Variants in PCLO observed in about 807,000 individuals in gnomAD.
PCLO encodes the protein protein piccolo.
Under a neutral mutation model 427.5 loss-of-function variants are expected in PCLO, and 82 were observed. That is an observed-to-expected ratio of 0.19 (90% CI 0.16 to 0.23). PCLO has a LOEUF of 0.23. PCLO is among the 10% of genes least tolerant of loss of function. The pLI is 1.00. For missense variants in PCLO, 6,239 were observed against 6,115.9 expected (o/e 1.02, Z -0.67); for synonymous variants, 2,357 against 2,155.4 (o/e 1.09, Z -2.59).
intron 3 of PCLO, among the ~76,000 whole-genome samples, chr7:83,017,272 T>C (rs1305138361): frequency 6.6e-6 from 1 of 152,098 alleles, no homozygotes; most frequent in African/African-American, 2.4e-5. Context: ...AAATTCATAA[T>C]GCAGTCATAG....
chr7:82,847,578 CA>C (rs1792537459), intron 10 of PCLO, among the ~76,000 whole-genome samples: 1 of 151,986 alleles, frequency 6.6e-6, no homozygotes. Context: ...GTATAGGAAA[CA>C]AACAAACAAA....
Position 83,162,511 on chromosome 7 carries a change from C to T in PCLO, c.82G>A (p.Gly28Arg). 6.4e-7 allele frequency: 1 copy of T among 1,562,526 alleles called. No individual in the cohort carries two copies. The change falls in exon 1 of 25, where the codon GGG (glycine) becomes AGG (arginine). Residue 28 changes from glycine (G) to arginine (R), a missense_variant. By Grantham distance (125) the Gly-to-Arg change is moderately radical. Transcript: ENST00000333891. ...GCGGTGTGAGAGGGGCTCCCCGCCC[C>T]GCTAGCTCCTCCTCCAGCCGCTGCG... ...AAAAAGGGAS[G>R]AGSPSHTAIP...
intron 3 of PCLO, among the ~76,000 whole-genome samples, chr7:83,032,372 T>C (rs1245230631): frequency 1.3e-5 from 2 of 151,198 alleles, no homozygotes; most frequent in Non-Finnish European, 2.9e-5. Context: ...TCATTCTCCA[T>C]TCCCTCACTC....
At chr7:82,964,669 C>T (rs924000912) in intron 4 of PCLO, among the ~76,000 whole-genome samples, 50 of 152,182 alleles carry the variant, frequency 3.3e-4, no homozygotes, top group African/African-American at 1.2e-3. Flanking sequence ...CAAACAGTAC[C>T]AAGCATCAAG....
intron 22 of PCLO, 38 bp from the exon 23 acceptor site, chr7:82,761,531 T>C (rs1790432923): frequency 2.7e-6 from 4 of 1,469,094 alleles, no homozygotes; most frequent in East Asian, 2.3e-5. Context: ...AAGTATGTAA[T>C]GCCATATATG....
intron 7 of PCLO, among the ~76,000 whole-genome samples, chr7:82,912,579 A>C (rs1477466981): frequency 6.6e-6 from 1 of 151,922 alleles, no homozygotes; most frequent in Non-Finnish European, 1.5e-5. Flanking sequence ...GTTTAATTTC[A>C]TTTAAATTTT....
chr7:82,792,920 C>T (rs995633506), intron 22 of PCLO, among the ~76,000 whole-genome samples: 1 of 152,006 alleles, frequency 6.6e-6, no homozygotes, highest in Non-Finnish European at 1.5e-5. Flanking sequence ...TATTAACTTG[C>T]CTCTTTAATA....
chr7:82,797,469 C>T (rs1316607620), intron 22 of PCLO, among the ~76,000 whole-genome samples: 1 of 152,056 alleles, frequency 6.6e-6, no homozygotes, highest in African/African-American at 2.4e-5. Context: ...ATTTGAAAGT[C>T]TAATTGGTTT....
intron 22 of PCLO, among the ~76,000 whole-genome samples, chr7:82,763,132 G>A (rs1009373545): frequency 5.3e-5 from 8 of 152,086 alleles, no homozygotes; most frequent in Admixed American, 4.6e-4. Flanking sequence ...GAAGGATTTA[G>A]ATTTTTAAAC....
chr7:82,881,414 T>C (rs1158314182), intron 9 of PCLO, among the ~76,000 whole-genome samples: 6 of 152,150 alleles, frequency 3.9e-5, no homozygotes, highest in Non-Finnish European at 8.8e-5. Flanking sequence ...ACTGTAATTA[T>C]AACCATCTCA....
intron 3 of PCLO, among the ~76,000 whole-genome samples, chr7:83,128,722 A>G (rs1054332010): frequency 1.5e-4 from 23 of 152,180 alleles, no homozygotes; most frequent in African/African-American, 4.1e-4. Context: ...TGGAAAGAAT[A>G]TAACAGTATT....
intron 22 of PCLO, among the ~76,000 whole-genome samples, chr7:82,772,178 C>CA (rs1412666671): frequency 6.6e-6 from 1 of 152,084 alleles, no homozygotes; most frequent in Non-Finnish European, 1.5e-5. Flanking sequence ...AGCAATTCTA[C>CA]AAGGTAGATA....
At chr7:83,070,511 C>T (rs1789786239) in intron 3 of PCLO, among the ~76,000 whole-genome samples, 1 of 151,940 alleles carries the variant, frequency 6.6e-6, no homozygotes, top group Non-Finnish European at 1.5e-5. Context: ...CCTCAGCCTC[C>T]CGAGTAGCTG....
In PCLO at chr7:82,955,736, C is replaced by T. The variant is rs942935900; in HGVS notation, c.5217G>A (p.Glu1739=). The change falls in exon 5 of 25, where the codon GAG becomes GAA. Residue 1739 remains glutamate, a synonymous_variant. Transcript: ENST00000333891. ...TSPTSVSSLD[E]DSDSSPSHKK... ...TGTGACTCGGGCTACTGTCACTGTCCTCATCAAGTGATGATACTGATGTAG... is the reference window on the plus strand; with the variant it reads ...TGTGACTCGGGCTACTGTCACTGTCTTCATCAAGTGATGATACTGATGTAG... The T allele has an allele frequency of 3.1e-6, 5 of 1,613,850 alleles. No homozygotes were observed. The highest frequency in any genetic ancestry group is 1.3e-5 in the African/African-American group (1 of 75,014).
At chr7:82,831,741 G>A (rs1236532103) in intron 16 of PCLO, among the ~76,000 whole-genome samples, 1 of 152,100 alleles carries the variant, frequency 6.6e-6, no homozygotes, top group African/African-American at 2.4e-5. Context: ...ATTAATGAAA[G>A]TAAAAACAGC....
chr7:82,895,326 C>CTTAA (rs1793875075), intron 9 of PCLO, among the ~76,000 whole-genome samples: 1 of 151,684 alleles, frequency 6.6e-6, no homozygotes, highest in African/African-American at 2.4e-5. Context: ...TAAAGTAGTC[C>CTTAA]TTAAAGGAAA....
chr7:83,022,377 T>C (rs1003663398), intron 3 of PCLO, among the ~76,000 whole-genome samples: 3 of 152,310 alleles, frequency 2.0e-5, no homozygotes, highest in Middle Eastern at 3.4e-3. Context: ...TATTTGTAAA[T>C]TGTATTTGCA....
At position 82,915,553 on chromosome 7, in the gene PCLO, G is replaced by A. The variant is rs776939337; in HGVS notation, c.12433C>T (p.Leu4145Phe). The change falls in exon 7 of 25, where the codon CTT becomes TTT. Residue 4145 changes from leucine to phenylalanine, a missense_variant. By Grantham distance (22) the Leu-to-Phe change is conservative (BLOSUM62 0). Coordinates refer to ENST00000333891, the MANE Select transcript of PCLO (RefSeq NM_033026.6). ...GTATCAGCATGGTAATAATGAGAAA[G>A]ACCAGCAAGGTGATCTAAGCTCTCT... is the stretch of plus-strand genomic sequence containing the variant. ...GTESLDHLAG[L>F]SHYYHADTSY... The A allele has an allele frequency of 1.9e-6, 3 of 1,613,666 alleles. No individual in the cohort carries two copies. The highest frequency in any genetic ancestry group is 2.2e-5 in the East Asian group (1 of 44,838).
chr7:82,903,300 C>T (rs965461101), intron 8 of PCLO, among the ~76,000 whole-genome samples: 2 of 151,844 alleles, frequency 1.3e-5, no homozygotes, highest in Non-Finnish European at 2.9e-5. Flanking sequence ...GTAAACTAGA[C>T]GCAGAGACTA....
Sources: allele counts gnomAD v4.1 joint callset (sites outside exome capture counted in the v4.1 genomes callset), GRCh38; gene constraint gnomAD v4.1.1; transcripts MANE v1.5; gene names NCBI Gene and HGNC (gene_info 2026-07-23, HGNC 2026-07-21).